The following FYB2 variants were observed in gnomAD, a reference collection of about 807,000 sequenced individuals.
FYB2 encodes the protein FYN-binding protein 2.
In FYB2, 103 loss-of-function variants were observed where a neutral mutation model predicts 94.1. That is an observed-to-expected ratio of 1.09 (90% CI 0.93 to 1.29). The LOEUF (loss-of-function observed/expected upper bound fraction) is 1.29. FYB2 is among the 50% of genes most tolerant of loss of function. FYB2 has a pLI of 0.00. For missense variants in FYB2, 896 were observed against 841.5 expected (o/e 1.06, Z -0.80); for synonymous variants, 293 against 287.9 (o/e 1.02, Z -0.18).
intron 1 of FYB2, among the ~76,000 whole-genome samples, chr1:56,815,204 G>A (rs113584442): frequency 2.0e-4 from 31 of 151,862 alleles, no homozygotes; most frequent in Admixed American, 2.6e-4. Context: ...CTGCTGCTCC[G>A]CCCATGCTCT....
At chr1:56,822,653 T>C (rs916818054), upstream of FYB2, among the ~76,000 whole-genome samples, 8 of 151,932 alleles carry the variant, frequency 5.3e-5, no homozygotes, top group African/African-American at 1.9e-4. Flanking sequence ...AGCTCTGCAG[T>C]GTCTCCTATT....
At chr1:56,777,806 A>C (rs1645916806) in intron 4 of FYB2, among the ~76,000 whole-genome samples, 3 of 152,046 alleles carry the variant, frequency 2.0e-5, no homozygotes, top group Admixed American at 1.3e-4. Context: ...GTGCAAACTC[A>C]TATTTTTTCT....
chr1:56,816,318 C>T (rs1311188056), intron 1 of FYB2, among the ~76,000 whole-genome samples: 1 of 152,134 alleles, frequency 6.6e-6, no homozygotes, highest in Non-Finnish European at 1.5e-5. Context: ...GAAGGCTAGG[C>T]TTAGCTGTAA....
chr1:56,786,506 C>A (rs1473122358), intron 4 of FYB2, among the ~76,000 whole-genome samples: 1 of 152,068 alleles, frequency 6.6e-6, no homozygotes, highest in Non-Finnish European at 1.5e-5. Flanking sequence ...TGAGACTAAC[C>A]TTTTTGAGAA....
chr1:56,808,108 A>C (rs1173261967), intron 1 of FYB2, among the ~76,000 whole-genome samples: 2 of 152,136 alleles, frequency 1.3e-5, no homozygotes, highest in African/African-American at 4.8e-5. Flanking sequence ...ACTATACCAC[A>C]CTGGGTTAGG....
intron 1 of FYB2, among the ~76,000 whole-genome samples, chr1:56,800,495 TAAATA>T (rs1646495102): frequency 6.6e-6 from 1 of 152,028 alleles, no homozygotes; most frequent in Admixed American, 6.5e-5. Context: ...ATTAATTAAT[TAAATA>T]AAATAAAATA....
At chr1:56,789,554 T>C (rs777201310) in intron 2 of FYB2, among the ~76,000 whole-genome samples, 1 of 152,228 alleles carries the variant, frequency 6.6e-6, no homozygotes, top group Non-Finnish European at 1.5e-5. Flanking sequence ...ACTTTTCCCT[T>C]TCTTGGCAAA....
At position 56,750,959 on chromosome 1, in the gene FYB2, T is replaced by C. The variant is rs556258358; in HGVS notation, c.1387+85A>G. The C allele has an allele frequency of 5.0e-5, 73 of 1,457,430 alleles. No individual in the cohort carries two copies. In the African/African-American group the frequency reaches 9.4e-4, roughly 19 times the overall value. The allele number at this position is 1,457,430 out of a possible 1,614,324, so 90.3% of individuals were successfully genotyped here. The stretch of plus-strand genomic sequence containing the variant: ...CACAAAATAGATGTTCAATAAATAT[T>C]GGTAAAATAAATTAAAATTTTGGCC... On this transcript the variant is annotated intron_variant, in intron 9 of 19. Coordinates refer to ENST00000343433, the MANE Select transcript of FYB2 (RefSeq NM_001004303.5).
chr1:56,720,103 GT>G (rs762958496), intron 18 of FYB2, 48 bp from the exon 19 acceptor site: 34 of 1,589,138 alleles, frequency 2.1e-5, no homozygotes, highest in Admixed American at 3.6e-5. Flanking sequence ...TAGAGAAAAT[GT>G]TTTTTTAAAG....
At chr1:56,742,062 G>A (rs1644966737) in intron 12 of FYB2, 99 bp downstream of exon 12, 4 of 959,904 alleles carry the variant, frequency 4.2e-6, no homozygotes, top group Middle Eastern at 2.6e-4. Flanking sequence ...GGGTGGCAGT[G>A]GGGCTGGGGG....
In FYB2 at chr1:56,757,074, T is replaced by C. The variant is rs562408630; in HGVS notation, c.1099-1147A>G. Reference sequence around the variant, plus strand: ...AGATTCCACTCACTGAGCTTAAAAATACAGAGATAAACACAAAACATGTAT... The same window carrying C: ...AGATTCCACTCACTGAGCTTAAAAACACAGAGATAAACACAAAACATGTAT... On this transcript the variant is annotated intron_variant, in intron 6 of 19. Transcript: ENST00000343433. 6.6e-5 allele frequency among the ~76,000 whole-genome samples: 10 copies of C among 152,080 alleles called. No individual in the cohort carries two copies. In the South Asian group the frequency reaches 2.1e-3, roughly 32 times the overall value.
intron 13 of FYB2, 69 bp downstream of exon 13, chr1:56,740,628 G>T: frequency 1.1e-6 from 1 of 902,724 alleles, no homozygotes; most frequent in Non-Finnish European, 1.7e-6. Flanking sequence ...GAGATTGGAT[G>T]GAGAACATCA....
At chr1:56,777,339 C>A (rs1284736869) in intron 4 of FYB2, among the ~76,000 whole-genome samples, 1 of 149,610 alleles carries the variant, frequency 6.7e-6, no homozygotes, top group Non-Finnish European at 1.5e-5. Context: ...GTGTGGAGCT[C>A]AAACTATGAA....
At chr1:56,765,336 G>A (rs1264175453) in intron 5 of FYB2, among the ~76,000 whole-genome samples, 1 of 152,172 alleles carries the variant, frequency 6.6e-6, no homozygotes, top group African/African-American at 2.4e-5. Flanking sequence ...GCTGGAAGGG[G>A]AGTGAAAGTC....
chr1:56,788,994 C>G lies in FYB2; in HGVS notation c.898G>C (p.Val300Leu), dbSNP rs748309073. Reference protein sequence around the residue: ...LQAFQRQPAAVPKTQGEVTVE... With the variant: ...LQAFQRQPAALPKTQGEVTVE... ...TTACCTTCCCCCTGAGTCTTGGGAA[C>G]AGCAGCTGGCTGCCTCTGAAAGGCC... Residue 300 changes from valine (V) to leucine (L), a missense_variant, in exon 3 of 20, where the codon GTT becomes CTT. Coordinates refer to ENST00000343433, the MANE Select transcript of FYB2 (RefSeq NM_001004303.5). 2 of 1,614,028 alleles carry G rather than the reference C, an allele frequency of 1.2e-6. No homozygotes were observed. Among genetic ancestry groups the G allele is most frequent in the East Asian group, 2.2e-5 (1 of 44,858 alleles).
intron 1 of FYB2, among the ~76,000 whole-genome samples, chr1:56,817,979 A>G (rs1270765184): frequency 6.6e-6 from 1 of 152,232 alleles, no homozygotes; most frequent in Non-Finnish European, 1.5e-5. Context: ...CCTCATCTAC[A>G]ATAAATGGGG....
At chr1:56,721,663 T>C (rs1416026109) in intron 17 of FYB2, among the ~76,000 whole-genome samples, 1 of 152,010 alleles carries the variant, frequency 6.6e-6, no homozygotes, top group Non-Finnish European at 1.5e-5. Context: ...ATACTGTCAT[T>C]CCCCATCCCT....
At chr1:56,771,872 C>A (rs980538107) in intron 4 of FYB2, among the ~76,000 whole-genome samples, 2 of 151,886 alleles carry the variant, frequency 1.3e-5, no homozygotes, top group Non-Finnish European at 2.9e-5. Flanking sequence ...CACATTCCAC[C>A]CAATTGTTTT....
chr1:56,788,107 G>A (rs1358625525), intron 3 of FYB2, among the ~76,000 whole-genome samples: 2 of 152,214 alleles, frequency 1.3e-5, no homozygotes, highest in Non-Finnish European at 2.9e-5. Flanking sequence ...CAGAAACTGA[G>A]AATGGAGCCC....
Sources: gnomAD v4.1 joint callset for allele counts (sites outside exome capture counted in the v4.1 genomes callset) on GRCh38, gnomAD v4.1.1 for gene constraint, MANE v1.5 for transcripts, NCBI Gene and HGNC (gene_info 2026-07-23, HGNC 2026-07-21) for gene names.